NUMA1: variants seen among roughly 807,000 people sequenced by gnomAD.
The protein encoded by NUMA1 is SP-H antigen.
In NUMA1, 62 loss-of-function variants were observed where a neutral mutation model predicts 237.1. The ratio of observed to expected loss-of-function variants is 0.26; its 90% confidence interval spans 0.21 to 0.32. The LOEUF (loss-of-function observed/expected upper bound fraction) is 0.32, where lower values mean the gene tolerates loss of function less well. Ranked by LOEUF, NUMA1 falls within the 10% of genes least tolerant of loss-of-function variation. NUMA1 has a pLI of 1.00. For synonymous variants in NUMA1, 1,028 were observed against 1,066.1 expected, an observed-to-expected ratio of 0.96 and a Z score of 0.70; for missense variants, 2,533 against 2,666.5, an observed-to-expected ratio of 0.95 and a Z score of 1.10.
chr11:72,059,467 C>T (rs373505207), intron 2 of NUMA1, among the ~76,000 whole-genome samples: 147 of 152,252 alleles, frequency 9.7e-4, no homozygotes, highest in African/African-American at 3.3e-3. Context: ...TGGGATTTCA[C>T]CATGTTGCCC....
At chr11:72,006,471 C>T (rs185923052) in intron 21 of NUMA1, among the ~76,000 whole-genome samples, 4 of 152,286 alleles carry the variant, frequency 2.6e-5, no homozygotes, top group Admixed American at 6.5e-5. Context: ...GACTCTTCTA[C>T]GCATTTTTTT....
rs35342866 is a variant in NUMA1, at chr11:72,013,687, C to T, written c.3816G>A (p.Leu1272=). ...CACTGTTGCTGGCTGTCTCTGCCTG[C>T]AGCAGGCGCAGCCTCTCCTCCAGCT... The part of the protein sequence containing the change: ...SQKLEERLRL[L]QAETASNSAR... The change falls in exon 15 of 27, where the codon CTG becomes CTA. Residue 1272 remains leucine, a synonymous_variant. Coordinates refer to ENST00000393695, the MANE Select transcript of NUMA1 (RefSeq NM_006185.4). The surrounding 1 kb of genome is among the most constrained non-coding windows in gnomAD (Gnocchi z 6.8). 5,097 of 1,609,126 alleles carry T rather than the reference C, an allele frequency of 3.2e-3. 150 individuals carry two copies. The African/African-American group carries it at 0.057, about 18-fold the overall frequency.
At chr11:72,079,029 G>GTGCC (rs1178515712) in intron 1 of NUMA1, among the ~76,000 whole-genome samples, 2 of 152,238 alleles carry the variant, frequency 1.3e-5, no homozygotes, top group South Asian at 4.1e-4. Flanking sequence ...TCAAGAGGGA[G>GTGCC]TGCCATTCCA....
intron 2 of NUMA1, among the ~76,000 whole-genome samples, chr11:72,043,404 C>A (rs1941814033): frequency 1.3e-5 from 2 of 149,442 alleles, no homozygotes; most frequent in Non-Finnish European, 3.0e-5. Flanking sequence ...ACTCTGTCAC[C>A]CAGGCTGGAG....
chr11:72,036,824 A>G (rs1161234549), intron 2 of NUMA1, among the ~76,000 whole-genome samples: 2 of 152,160 alleles, frequency 1.3e-5, no homozygotes, highest in Non-Finnish European at 2.9e-5. Context: ...ACCACAGACC[A>G]GATTAACTAA....
At position 72,016,325 on chromosome 11, in the gene NUMA1, A is replaced by C; in HGVS notation, c.1243-65T>G. The stretch of plus-strand genomic sequence containing the variant: ...CTCAGTCATCAAGACTCCTCTGGAA[A>C]TGGAGGAACACCAGGAACCCAAATG... On this transcript the variant is annotated intron_variant, in intron 14 of 26. Coordinates refer to ENST00000393695, the MANE Select transcript of NUMA1 (RefSeq NM_006185.4). 5 of 1,586,840 alleles carry C rather than the reference A, an allele frequency of 3.2e-6. No individual in the cohort carries two copies. The South Asian group carries it at 5.7e-5, about 18-fold the overall frequency.
intron 2 of NUMA1, among the ~76,000 whole-genome samples, chr11:72,056,635 TAAAAAA>T (rs59248999): frequency 3.4e-4 from 26 of 76,002 alleles, no homozygotes; most frequent in South Asian, 1.0e-3. Flanking sequence ...CCCATCTCTT[TAAAAAA>T]AAAAAAAAAA....
chr11:72,005,065 CCT>C (rs574708472), intron 23 of NUMA1, among the ~76,000 whole-genome samples, 166 bp downstream of exon 23: 90 of 152,236 alleles, frequency 5.9e-4, no homozygotes, highest in African/African-American at 1.7e-3. Flanking sequence ...GGACTTCACC[CCT>C]GAGTGCCCTC....
At chr11:72,024,499 C>G in intron 4 of NUMA1, 146 bp from the exon 5 acceptor site, 1 of 703,080 alleles carries the variant, frequency 1.4e-6, no homozygotes, top group Non-Finnish European at 2.5e-6. Flanking sequence ...AGGCAGGTGA[C>G]AGATACCAGG....
chr11:72,004,089 C>T lies in NUMA1; in HGVS notation c.6134G>A (p.Arg2045His), dbSNP rs746494469. 10 of 1,612,862 alleles carry T rather than the reference C, an allele frequency of 6.2e-6. No individual in the cohort carries two copies. Among genetic ancestry groups the T allele is most frequent in the African/African-American group, 5.3e-5 (4 of 74,872 alleles). Residue 2045 changes from arginine (R) to histidine (H), a missense_variant, in exon 26 of 27, where the codon CGC becomes CAC. By Grantham distance (29) the Arg-to-His change is conservative. This residue lies in a region of NUMA1 where 795 missense variants were observed against 750.8 expected (regional missense o/e 1.06). Coordinates refer to ENST00000393695, the MANE Select transcript of NUMA1 (RefSeq NM_006185.4). ...GAGGATGCTGAAGGCCATCGACTGG[C>T]GCCGGTCAGCCTGCAAGGAAGGGCT... is the stretch of plus-strand genomic sequence containing the variant. ...APASTKQADR[R>H]QSMAFSILNT...
chr11:72,024,650 A>T, intron 4 of NUMA1: 1 of 396,330 alleles, frequency 2.5e-6, no homozygotes, highest in Non-Finnish European at 4.7e-6. Context: ...GAGGAGACGG[A>T]GGCAGCACAG....
At chr11:72,005,509 T>C (rs1678666235) in intron 22 of NUMA1, 140 bp from the exon 23 acceptor site, 5 of 745,146 alleles carry the variant, frequency 6.7e-6, no homozygotes, top group Non-Finnish European at 1.1e-5. Context: ...GTGCCGCAGG[T>C]GCAGGAGTAC....
intron 17 of NUMA1, 45 bp from the exon 18 acceptor site, chr11:72,009,432 C>T: frequency 6.4e-7 from 1 of 1,554,602 alleles, no homozygotes; most frequent in South Asian, 1.2e-5. Context: ...GCCGCTCTAC[C>T]CAAGTCCGCT....
intron 2 of NUMA1, among the ~76,000 whole-genome samples, chr11:72,060,361 G>C (rs1176918098): frequency 6.6e-6 from 1 of 152,220 alleles, no homozygotes; most frequent in Admixed American, 6.5e-5. Flanking sequence ...ACTTGCCTAA[G>C]CACAGTGACT....
At chr11:72,079,338 C>T (rs1024996303) in intron 1 of NUMA1, among the ~76,000 whole-genome samples, 1 of 152,130 alleles carries the variant, frequency 6.6e-6, no homozygotes, top group Admixed American at 6.5e-5. Flanking sequence ...GTCAAGAGTT[C>T]AAGACCGGCC....
chr11:72,014,333 G>A lies in NUMA1; in HGVS notation c.3170C>T (p.Thr1057Met), dbSNP rs771930095. The change falls in exon 15 of 27, where the codon ACG (threonine) becomes ATG (methionine). Residue 1057 changes from threonine (T) to methionine (M), a missense_variant. This residue lies in a region of NUMA1 where 1,414 missense variants were observed against 1,508.1 expected (regional missense o/e 0.94). Coordinates refer to ENST00000393695, the MANE Select transcript of NUMA1 (RefSeq NM_006185.4). The surrounding 1 kb of genome is among the most constrained non-coding windows in gnomAD (Gnocchi z 4.6). ...CTCCTGGTCCTTGCCTTCCTTTTCC[G>A]TCAGGGCATGAGCCAGTGCCTCTTG... ...TLQEALAHAL[T>M]EKEGKDQELA... 51 of 1,613,632 alleles carry A rather than the reference G, an allele frequency of 3.2e-5. No individual in the cohort carries two copies. The highest frequency in any genetic ancestry group is 4.4e-5 in the South Asian group (4 of 91,092).
intron 20 of NUMA1, 159 bp from the exon 21 acceptor site, chr11:72,007,594 CT>C (rs1367179389): frequency 1.1e-6 from 1 of 876,824 alleles, no homozygotes; most frequent in African/African-American, 1.7e-5. Flanking sequence ...AGCACTTGAC[CT>C]GGGCCTTCCT....
chr11:72,062,435 A>G (rs906714768), intron 2 of NUMA1, among the ~76,000 whole-genome samples: 2 of 152,208 alleles, frequency 1.3e-5, no homozygotes, highest in African/African-American at 4.8e-5. Flanking sequence ...ATTTTAGGCC[A>G]GGCGCGGTGG....
In NUMA1 at chr11:72,008,709, CCCT is replaced by C; in HGVS notation, c.5192_5194del (p.Glu1731del). 6.2e-7 allele frequency: 1 copy of C among 1,614,120 alleles called. No homozygotes were observed. Among genetic ancestry groups the C allele is most frequent in the Non-Finnish European group, 8.5e-7 (1 of 1,180,032 alleles). ...TGACCTGGTGATACTGAGTGGGGTCCCCTCCTCGCAGCTCAGATCCAGGCTGTC... is the reference window on the plus strand; with the variant it reads ...TGACCTGGTGATACTGAGTGGGGTCCCCTCGCAGCTCAGATCCAGGCTGTC... On this transcript the variant is annotated inframe_deletion, in exon 20 of 27. Transcript: ENST00000393695.
Sources: gnomAD v4.1 joint callset for allele counts (sites outside exome capture counted in the v4.1 genomes callset) on GRCh38, gnomAD v4.1.1 for gene constraint, gnomAD v4.1.1 regional missense constraint, Gnocchi (gnomAD v3.1) non-coding constraint, MANE v1.5 for transcripts, NCBI Gene and HGNC (gene_info 2026-07-23, HGNC 2026-07-21) for gene names.